The following CALN1 variants were observed in gnomAD, a reference collection of about 807,000 sequenced individuals.
CALN1 encodes the protein calcium-binding protein 8.
Under a neutral mutation model 30.6 loss-of-function variants are expected in CALN1, and 17 were observed. The observed-to-expected ratio is 0.56, with a 90% CI of 0.38 to 0.83. CALN1 has a LOEUF of 0.83. Among genes scored for constraint, CALN1 ranks in the 40% least tolerant of loss-of-function variants. CALN1 has a pLI of 0.00. For missense variants in CALN1, 291 were observed against 354.9 expected (o/e 0.82, Z 1.45); for synonymous variants, 156 against 131.4 (o/e 1.19, Z -1.28).
At chr7:72,471,627 TG>T in the CALN1 span, among the ~76,000 whole-genome samples, 4 of 152,234 alleles carry the variant, frequency 2.6e-5, no homozygotes, top group South Asian at 8.3e-4. Flanking sequence ...CTCAATCACA[TG>T]CCTGCCTTCA....
At chr7:72,358,523 T>A (rs1311543243) in intron 2 of CALN1, among the ~76,000 whole-genome samples, 1 of 152,228 alleles carries the variant, frequency 6.6e-6, no homozygotes, top group Admixed American at 6.5e-5. Context: ...CATGTCCTAA[T>A]TCTGGGTGCA....
chr7:72,164,503 G>A (rs1788376917), intron 3 of CALN1, among the ~76,000 whole-genome samples: 3 of 152,182 alleles, frequency 2.0e-5, no homozygotes, highest in South Asian at 2.1e-4. Context: ...AGGCAAGAAA[G>A]TAGAACGTTC....
intron 4 of CALN1, among the ~76,000 whole-genome samples, chr7:72,099,210 T>C (rs1806465521): frequency 1.3e-5 from 2 of 150,516 alleles, no homozygotes; most frequent in South Asian, 4.2e-4. Flanking sequence ...GATACTGGGG[T>C]GTACGGACCA....
At chr7:72,349,434 T>TA (rs1467640321) in intron 2 of CALN1, among the ~76,000 whole-genome samples, 3 of 151,760 alleles carry the variant, frequency 2.0e-5, no homozygotes, top group African/African-American at 7.3e-5. Flanking sequence ...GCAAGAAAGA[T>TA]AAATACAAAA....
chr7:71,874,433 A>T (rs1054243348), intron 5 of CALN1, among the ~76,000 whole-genome samples: 1 of 152,178 alleles, frequency 6.6e-6, no homozygotes, highest in African/African-American at 2.4e-5. Flanking sequence ...CTATGCAATA[A>T]AGAAGGTCAT....
At chr7:72,127,264 T>C (rs1022915974) in intron 3 of CALN1, among the ~76,000 whole-genome samples, 2 of 152,214 alleles carry the variant, frequency 1.3e-5, no homozygotes, top group Non-Finnish European at 1.5e-5. Flanking sequence ...GGTAGATGTA[T>C]GCCTGATGTG....
intron 2 of CALN1, among the ~76,000 whole-genome samples, chr7:72,369,019 T>A (rs920043483): frequency 3.3e-5 from 5 of 151,560 alleles, no homozygotes; most frequent in African/African-American, 1.2e-4. Context: ...TTCACCATGT[T>A]GGCCAGGCTG....
At chr7:72,492,770 G>A in the CALN1 span, among the ~76,000 whole-genome samples, 1 of 152,282 alleles carries the variant, frequency 6.6e-6, no homozygotes, top group South Asian at 2.1e-4. Context: ...GCAACGATCA[G>A]AAAATACACT....
At chr7:71,791,134 G>A (rs1395752505) in intron 6 of CALN1, among the ~76,000 whole-genome samples, 2 of 152,260 alleles carry the variant, frequency 1.3e-5, no homozygotes, top group South Asian at 4.2e-4. Context: ...CCAAGAGAAA[G>A]GGTCCCAAGG....
chr7:72,381,142 T>C (rs1398864172), intron 2 of CALN1, among the ~76,000 whole-genome samples: 1 of 152,156 alleles, frequency 6.6e-6, no homozygotes, highest in Admixed American at 6.5e-5. Context: ...CACAAAGACA[T>C]AAACATGTTG....
chr7:72,350,969 CATCTCT>C, intron 2 of CALN1, among the ~76,000 whole-genome samples: 1 of 151,432 alleles, frequency 6.6e-6, no homozygotes, highest in South Asian at 2.1e-4. Context: ...GGTGAAACCC[CATCTCT>C]ACTAAAAACA....
chr7:71,960,097 C>A (rs1797161643), intron 5 of CALN1, among the ~76,000 whole-genome samples: 1 of 150,586 alleles, frequency 6.6e-6, no homozygotes, highest in African/African-American at 2.4e-5. Context: ...GGCACCACTG[C>A]ACTCCAGCCT....
chr7:72,187,645 C>T (rs1790300277), intron 3 of CALN1, among the ~76,000 whole-genome samples: 1 of 152,218 alleles, frequency 6.6e-6, no homozygotes, highest in African/African-American at 2.4e-5. Flanking sequence ...TTCCATGAAA[C>T]TGGTCCCTGC....
intron 3 of CALN1, among the ~76,000 whole-genome samples, chr7:72,117,910 A>T (rs1192111024): frequency 2.7e-5 from 4 of 149,372 alleles, no homozygotes; most frequent in Non-Finnish European, 5.9e-5. Context: ...GTGAGCCGAG[A>T]TTGCGCCACT....
At chr7:72,179,812 T>C (rs1789626998) in intron 3 of CALN1, among the ~76,000 whole-genome samples, 1 of 152,152 alleles carries the variant, frequency 6.6e-6, no homozygotes, top group Non-Finnish European at 1.5e-5. Flanking sequence ...GCAATGCACA[T>C]CTATTAAAAA....
chr7:72,367,894 G>T (rs1056951577), intron 2 of CALN1, among the ~76,000 whole-genome samples: 1 of 152,022 alleles, frequency 6.6e-6, no homozygotes, highest in Non-Finnish European at 1.5e-5. Flanking sequence ...AACACTTTGG[G>T]AGGCCGAGGC....
rs536969391 is a variant in CALN1, at chr7:71,979,443, C to T, written c.501+44214G>A. ...TCAGGCATTAGATTCTCATAAGGAG[C>T]GTGCAACCTAGATCCCTCACATGCG... On this transcript the variant is annotated intron_variant, in intron 5 of 6. Transcript: ENST00000395275. 9.2e-5 allele frequency among the ~76,000 whole-genome samples: 14 copies of T among 152,178 alleles called. No homozygotes were observed. In the East Asian group the frequency reaches 1.2e-3, roughly 13 times the overall value.
intron 1 of CALN1, among the ~76,000 whole-genome samples, chr7:72,409,275 G>A (rs976551580): frequency 2.6e-5 from 4 of 151,894 alleles, no homozygotes; most frequent in African/African-American, 9.6e-5. Flanking sequence ...ATTACAGGCA[G>A]AAGCCACTGC....
At chr7:72,276,177 C>G (rs1215068321) in intron 3 of CALN1, among the ~76,000 whole-genome samples, 1 of 152,144 alleles carries the variant, frequency 6.6e-6, no homozygotes, top group Non-Finnish European at 1.5e-5. Context: ...CTCAGTGGGT[C>G]CTGCACGCAT....
Sources: gnomAD v4.1 joint callset for allele counts (sites outside exome capture counted in the v4.1 genomes callset) on GRCh38, gnomAD v4.1.1 for gene constraint, MANE v1.5 for transcripts, NCBI Gene and HGNC (gene_info 2026-07-23, HGNC 2026-07-21) for gene names.